Variants in PBX1 observed in about 807,000 individuals in gnomAD.
PBX1 encodes PBX homeobox 1.
PBX1 carries 6 observed loss-of-function variants against 53.4 expected under a neutral mutation model. That is an observed-to-expected ratio of 0.11 (90% confidence interval 0.06 to 0.22). PBX1 has a LOEUF of 0.22. Ranked by LOEUF, PBX1 falls within the 10% of genes least tolerant of loss-of-function variation. The probability of loss-of-function intolerance (pLI) is 1.00; values close to 1 mark genes in which losing one functional copy is unlikely to be tolerated. For missense variants in PBX1, 251 were observed against 551.4 expected (o/e 0.46, Z 5.46); for synonymous variants, 204 against 212.3 (o/e 0.96, Z 0.34).
chr1:164,775,121 G>A (rs559998035), intron 2 of PBX1, among the ~76,000 whole-genome samples: 2 of 152,324 alleles, frequency 1.3e-5, no homozygotes, highest in South Asian at 2.1e-4. Flanking sequence ...TGGGAGGGGT[G>A]AGAAGTGGAG....
chr1:164,865,828 A>G (rs182243048), intron 2 of PBX1, among the ~76,000 whole-genome samples: 17 of 152,208 alleles, frequency 1.1e-4, no homozygotes, highest in East Asian at 3.9e-4. Flanking sequence ...AATGACAGAA[A>G]GAATTCTTGC....
chr1:164,776,939 G>GA lies in PBX1; in HGVS notation c.266-15555_266-15554insA, dbSNP rs1161561853. 1.3e-3 allele frequency among the ~76,000 whole-genome samples: 152 copies of GA among 117,084 alleles called. 2 individuals carry two copies. Among genetic ancestry groups the GA allele is most frequent in the Non-Finnish European group, 2.1e-3 (118 of 55,848 alleles). The allele number at this position is 117,084 out of a possible 152,430, so 76.8% of individuals were successfully genotyped here. On this transcript the variant is annotated intron_variant, in intron 2 of 8. Transcript: ENST00000420696. The stretch of plus-strand genomic sequence containing the variant: ...TGTGTGTGTGTGTGTGTGTGTGGTG[G>GA]GAGGAGAGAGAGAGAGAGAGAGAGA...
intron 2 of PBX1, among the ~76,000 whole-genome samples, chr1:164,685,771 G>A (rs1389443363): frequency 2.0e-5 from 3 of 152,236 alleles, no homozygotes; most frequent in African/African-American, 7.2e-5. Context: ...CACACAGCTA[G>A]TGAGAGAAAA....
chr1:164,754,152 G>A (rs1666377224), intron 2 of PBX1, among the ~76,000 whole-genome samples: 1 of 152,154 alleles, frequency 6.6e-6, no homozygotes, highest in Non-Finnish European at 1.5e-5. Flanking sequence ...CTGCCTATGT[G>A]CCCGGCTGGT....
intron 2 of PBX1, among the ~76,000 whole-genome samples, chr1:164,685,285 T>C (rs1662033822): frequency 6.6e-6 from 1 of 152,236 alleles, no homozygotes; most frequent in South Asian, 2.1e-4. Flanking sequence ...GAGGTGGAAA[T>C]GGCTTTTTTG....
intron 2 of PBX1, among the ~76,000 whole-genome samples, chr1:164,568,781 C>A (rs1653619430): frequency 6.6e-6 from 1 of 152,174 alleles, no homozygotes; most frequent in Non-Finnish European, 1.5e-5. Context: ...GTATCTTTGC[C>A]CCATCTGCAT....
At chr1:164,795,891 A>G (rs1668759453) in intron 3 of PBX1, among the ~76,000 whole-genome samples, 1 of 152,228 alleles carries the variant, frequency 6.6e-6, no homozygotes, top group South Asian at 2.1e-4. Context: ...GTGATGGCAG[A>G]TAACTATACA....
chr1:164,713,647 A>G (rs1344714498), intron 2 of PBX1, among the ~76,000 whole-genome samples: 1 of 152,102 alleles, frequency 6.6e-6, no homozygotes, highest in African/African-American at 2.4e-5. Context: ...GTGGTGGGAA[A>G]GAGGGGAAAG....
At chr1:164,870,210 T>TTCTTTTCC (rs1180229062) in intron 2 of PBX1, among the ~76,000 whole-genome samples, 46 of 64,508 alleles carry the variant, frequency 7.1e-4, no homozygotes, top group Admixed American at 2.4e-3. Flanking sequence ...CTTTCTTTCT[T>TTCTTTTCC]TTCTTTCTTT....
At chr1:164,573,637 G>A (rs186547924) in intron 2 of PBX1, among the ~76,000 whole-genome samples, 15 of 151,700 alleles carry the variant, frequency 9.9e-5, no homozygotes, top group African/African-American at 2.7e-4. Context: ...GATTACAGGC[G>A]CCTGCCACTA....
intron 2 of PBX1, among the ~76,000 whole-genome samples, chr1:164,588,473 CT>C (rs371768861): frequency 0.014 from 1,017 of 72,906 alleles, 5 homozygotes; most frequent in Admixed American, 0.024. Context: ...CCGGACTAAG[CT>C]TTTTTTTTTT....
intron 2 of PBX1, among the ~76,000 whole-genome samples, chr1:164,872,632 C>T (rs1672408913): frequency 2.6e-5 from 4 of 152,170 alleles, no homozygotes; most frequent in Non-Finnish European, 5.9e-5. Flanking sequence ...AATGCACTTG[C>T]CTTTATGCCG....
intron 2 of PBX1, chr1:164,590,350 A>G (rs966135639): frequency 4.4e-6 from 2 of 455,854 alleles, no homozygotes; most frequent in African/African-American, 4.0e-5. Context: ...GCTCTCCTGC[A>G]TGCTCCTTGT....
At chr1:164,805,450 T>A (rs1284988994) in intron 4 of PBX1, among the ~76,000 whole-genome samples, 1 of 152,052 alleles carries the variant, frequency 6.6e-6, no homozygotes, top group Non-Finnish European at 1.5e-5. Flanking sequence ...AGATTGCACA[T>A]CACAAGGAGA....
At chr1:164,694,955 G>T (rs1462907770) in intron 2 of PBX1, among the ~76,000 whole-genome samples, 2 of 152,098 alleles carry the variant, frequency 1.3e-5, no homozygotes, top group Non-Finnish European at 2.9e-5. Flanking sequence ...CGCATCTGAG[G>T]CCTGCCAGGA....
At chr1:164,576,669 T>C (rs1654266305) in intron 2 of PBX1, 1 of 152,306 alleles carries the variant, frequency 6.6e-6, no homozygotes. Flanking sequence ...CCCCGCCACC[T>C]CTTCTGTCCC....
At chr1:164,614,940 A>AT (rs1657172633) in intron 2 of PBX1, among the ~76,000 whole-genome samples, 1 of 151,960 alleles carries the variant, frequency 6.6e-6, no homozygotes, top group Non-Finnish European at 1.5e-5. Context: ...CGCCTGGCTA[A>AT]TTTTTTGTGT....
At chr1:164,615,345 T>TAA (rs1657203151) in intron 2 of PBX1, among the ~76,000 whole-genome samples, 1 of 152,326 alleles carries the variant, frequency 6.6e-6, no homozygotes, top group Non-Finnish European at 1.5e-5. Context: ...AATTTTTAAA[T>TAA]AACTAAGTCA....
At chr1:164,767,024 T>C (rs199987900) in intron 2 of PBX1, among the ~76,000 whole-genome samples, 1 of 234 alleles carries the variant, frequency 4.3e-3, no homozygotes, top group East Asian at 0.5. Context: ...TTTTATCCTG[T>C]TTTTTTTTTC....
Sources: allele counts gnomAD v4.1 joint callset (sites outside exome capture counted in the v4.1 genomes callset), GRCh38; gene constraint gnomAD v4.1.1; transcripts MANE v1.5; gene names NCBI Gene and HGNC (gene_info 2026-07-23, HGNC 2026-07-21).